Variants in ASTN2 observed in about 807,000 individuals in gnomAD.
The protein encoded by ASTN2 is astrotactin-2.
In ASTN2, 54 loss-of-function variants were observed where a neutral mutation model predicts 139.8. The observed-to-expected ratio is 0.39, with a 90% CI of 0.31 to 0.48. The LOEUF (loss-of-function observed/expected upper bound fraction) is 0.48. Among genes scored for constraint, ASTN2 ranks in the 20% least tolerant of loss-of-function variants. The pLI is 0.95. For missense variants in ASTN2, 1,565 were observed against 1,725.1 expected (o/e 0.91, Z 1.64); for synonymous variants, 756 against 719.5 (o/e 1.05, Z -0.81).
chr9:116,718,999 T>C (rs1425248431), intron 16 of ASTN2, among the ~76,000 whole-genome samples: 1 of 148,096 alleles, frequency 6.8e-6, no homozygotes, highest in African/African-American at 2.5e-5. Context: ...TATCTGCCTA[T>C]AAGTCTCTCG....
At chr9:116,885,495 G>A (rs745477557) in intron 10 of ASTN2, among the ~76,000 whole-genome samples, 5 of 152,020 alleles carry the variant, frequency 3.3e-5, no homozygotes, top group East Asian at 3.9e-4. Flanking sequence ...GCAAAACCTC[G>A]TCTCTACTAA....
chr9:117,165,434 T>C (rs374297299), intron 3 of ASTN2, among the ~76,000 whole-genome samples: 123 of 152,184 alleles, frequency 8.1e-4, no homozygotes, highest in African/African-American at 2.7e-3. Context: ...CCTTTCAAAG[T>C]GCTTGAGTGG....
chr9:116,734,566 AGAG>A (rs1164643698), intron 13 of ASTN2, among the ~76,000 whole-genome samples: 1 of 150,806 alleles, frequency 6.6e-6, no homozygotes, highest in Non-Finnish European at 1.5e-5. Flanking sequence ...TATAGTCTGG[AGAG>A]GAGGAGGAGA....
At chr9:117,206,038 A>T (rs1033926117) in intron 3 of ASTN2, among the ~76,000 whole-genome samples, 2 of 152,222 alleles carry the variant, frequency 1.3e-5, no homozygotes, top group Admixed American at 6.5e-5. Flanking sequence ...AAAAAGTCCA[A>T]TGTGAGGGGA....
intron 3 of ASTN2, among the ~76,000 whole-genome samples, chr9:117,156,994 A>C (rs1333458341): frequency 6.6e-6 from 1 of 152,148 alleles, no homozygotes; most frequent in South Asian, 2.1e-4. Context: ...ACACACAGAC[A>C]TACAGACATA....
chr9:117,408,895 T>A (rs192001867), intron 1 of ASTN2, among the ~76,000 whole-genome samples: 8 of 152,156 alleles, frequency 5.3e-5, no homozygotes, highest in Non-Finnish European at 7.4e-5. Flanking sequence ...GGCTTTGAGA[T>A]GGAAAGAAGT....
intron 3 of ASTN2, among the ~76,000 whole-genome samples, chr9:117,211,541 C>T (rs1437651070): frequency 6.6e-6 from 1 of 152,136 alleles, no homozygotes; most frequent in Non-Finnish European, 1.5e-5. Flanking sequence ...CGCTCTTTTG[C>T]CATTACTGTA....
In ASTN2 at chr9:116,699,247, C is replaced by G. The variant is rs1221660946; in HGVS notation, c.2806+26524G>C. 1.2e-6 allele frequency: 2 copies of G among 1,614,224 alleles called. No homozygotes were observed. Among genetic ancestry groups the G allele is most frequent in the South Asian group, 1.1e-5 (1 of 91,090 alleles). On this transcript the variant is annotated intron_variant, in intron 16 of 22. Transcript: ENST00000313400. The surrounding 1 kb of genome is among the most constrained non-coding windows in gnomAD (Gnocchi z 4.2). ...TGGTGTTTCACAGTTGATCGAGGATCAGGGGTGGTCAAATACAGCTGCCTA... is the reference window on the plus strand; with the variant it reads ...TGGTGTTTCACAGTTGATCGAGGATGAGGGGTGGTCAAATACAGCTGCCTA...
At chr9:116,664,158 T>A (rs1169806529) in intron 16 of ASTN2, among the ~76,000 whole-genome samples, 1 of 152,096 alleles carries the variant, frequency 6.6e-6, no homozygotes, top group Admixed American at 6.6e-5. Context: ...TAAAAATGAA[T>A]TAGAATAATA....
rs1368542930 is a variant in ASTN2, at chr9:116,698,692, C to T, written c.2806+27079G>A. ...ATGGAGGCCACAGCGTCTGCTGCCT[C>T]TACCTCTGTTACTTTTAGAGAGATG... On this transcript the variant is annotated intron_variant, in intron 16 of 22. Transcript: ENST00000313400. The surrounding 1 kb of genome is among the most constrained non-coding windows in gnomAD (Gnocchi z 4.4). The T allele has an allele frequency of 6.2e-7, 1 of 1,614,206 alleles. No individual in the cohort carries two copies. The highest frequency in any genetic ancestry group is 1.7e-5 in the Admixed American group (1 of 60,032).
chr9:116,650,285 T>C (rs1857835581), intron 17 of ASTN2, among the ~76,000 whole-genome samples: 1 of 152,156 alleles, frequency 6.6e-6, no homozygotes, highest in African/African-American at 2.4e-5. Context: ...AAAGATTGCA[T>C]TTGGAAAAAG....
chr9:116,898,587 A>G (rs1424929903), intron 10 of ASTN2, among the ~76,000 whole-genome samples: 1 of 152,116 alleles, frequency 6.6e-6, no homozygotes, highest in Non-Finnish European at 1.5e-5. Context: ...TGGATCATAA[A>G]TTTGCATTCA....
intron 6 of ASTN2, among the ~76,000 whole-genome samples, chr9:117,028,987 G>A (rs1838175439): frequency 6.6e-6 from 1 of 152,136 alleles, no homozygotes; most frequent in South Asian, 2.1e-4. Context: ...TCCAAAGATG[G>A]AGTGAATTCA....
intron 20 of ASTN2, among the ~76,000 whole-genome samples, chr9:116,455,891 A>G (rs1848318422): frequency 6.6e-6 from 1 of 152,136 alleles, no homozygotes; most frequent in South Asian, 2.1e-4. Context: ...ACTATATACA[A>G]TAGACACACA....
At chr9:117,045,702 T>C (rs1838715033) in intron 5 of ASTN2, among the ~76,000 whole-genome samples, 1 of 152,178 alleles carries the variant, frequency 6.6e-6, no homozygotes, top group Non-Finnish European at 1.5e-5. Context: ...AATCACATTT[T>C]ATAATGAAAA....
intron 20 of ASTN2, among the ~76,000 whole-genome samples, chr9:116,448,305 C>A (rs1848069439): frequency 6.6e-6 from 1 of 151,136 alleles, no homozygotes; most frequent in Middle Eastern, 3.4e-3. Flanking sequence ...CCCCTCCCTG[C>A]CATTTCCAGC....
intron 20 of ASTN2, among the ~76,000 whole-genome samples, chr9:116,453,401 G>A (rs1487273927): frequency 6.6e-6 from 1 of 151,856 alleles, no homozygotes; most frequent in East Asian, 1.9e-4. Flanking sequence ...AGACCATCCT[G>A]GCTAACACGG....
intron 16 of ASTN2, among the ~76,000 whole-genome samples, chr9:116,680,245 C>T (rs1259531757): frequency 1.3e-5 from 2 of 152,170 alleles, no homozygotes; most frequent in Admixed American, 1.3e-4. Flanking sequence ...ACTACAAACA[C>T]CTCTACGCAA....
chr9:117,379,915 G>T (rs1830220892), intron 1 of ASTN2, among the ~76,000 whole-genome samples: 1 of 152,092 alleles, frequency 6.6e-6, no homozygotes, highest in Non-Finnish European at 1.5e-5. Flanking sequence ...GTGAAGGGGA[G>T]GGAGTGGCAT....
Sources: gnomAD v4.1 joint callset for allele counts (sites outside exome capture counted in the v4.1 genomes callset) on GRCh38, gnomAD v4.1.1 for gene constraint, Gnocchi (gnomAD v3.1) non-coding constraint, MANE v1.5 for transcripts, NCBI Gene and HGNC (gene_info 2026-07-23, HGNC 2026-07-21) for gene names.